Variants in CHLSN observed in about 807,000 individuals in gnomAD.
CHLSN encodes the protein cholesin.
the CHLSN span, among the ~76,000 whole-genome samples, chr7:1,115,829 T>C: frequency 1.4e-4 from 11 of 76,544 alleles, no homozygotes; most frequent in East Asian, 7.4e-4. Flanking sequence ...GCTCTAGGGA[T>C]GGCTTCCATC....
the CHLSN span, chr7:1,023,113 G>C: frequency 2.5e-6 from 1 of 398,536 alleles, no homozygotes; most frequent in Non-Finnish European, 5.1e-6. The surrounding 1 kb of genome is among the most constrained non-coding windows in gnomAD (Gnocchi z 5.0). Context: ...GGTGGCACCT[G>C]CCTGTGGCCC....
At chr7:1,009,445 GTCCACCCAGCCACGCCGCAGGCACCA>G in the CHLSN span, among the ~76,000 whole-genome samples, 92 of 152,162 alleles carry the variant, frequency 6.0e-4, no homozygotes, top group African/African-American at 2.0e-3. Context: ...ATCCTGCACC[GTCCACCCAGCCACGCCGCAGGCACCA>G]TCCACCCAGC....
At chr7:979,037 CG>C in the CHLSN span, among the ~76,000 whole-genome samples, 1 of 152,162 alleles carries the variant, frequency 6.6e-6, no homozygotes, top group Non-Finnish European at 1.5e-5. Context: ...CACAGCATGG[CG>C]GCTGGGTCCA....
At chr7:1,003,991 G>GA in the CHLSN span, among the ~76,000 whole-genome samples, 12 of 139,330 alleles carry the variant, frequency 8.6e-5, no homozygotes, top group Middle Eastern at 3.6e-3. Flanking sequence ...TCCTGTGGGT[G>GA]GGGAGTCCTG....
At chr7:1,030,715 C>T in the CHLSN span, among the ~76,000 whole-genome samples, 1 of 147,320 alleles carries the variant, frequency 6.8e-6, no homozygotes, top group African/African-American at 2.6e-5. Flanking sequence ...CGGGGACTCT[C>T]TCTCTCCCGG....
chr7:1,130,181 C>A, the CHLSN span, among the ~76,000 whole-genome samples: 1 of 152,250 alleles, frequency 6.6e-6, no homozygotes, highest in African/African-American at 2.4e-5. Flanking sequence ...TCCAGCACAG[C>A]TGTCTCCAGA....
chr7:1,069,384 T>TC, the CHLSN span, among the ~76,000 whole-genome samples: 1 of 111,130 alleles, frequency 9.0e-6, no homozygotes, highest in South Asian at 3.4e-4. Flanking sequence ...CTCTCCCCTC[T>TC]CCCCACGGTC....
the CHLSN span, among the ~76,000 whole-genome samples, chr7:1,117,646 C>A: frequency 8.2e-6 from 1 of 122,408 alleles, no homozygotes; most frequent in Non-Finnish European, 1.7e-5. Context: ...TACAGCTCTA[C>A]GGACCGGCTT....
the CHLSN span, chr7:1,092,058 C>T: frequency 4.8e-5 from 78 of 1,613,886 alleles, no homozygotes; most frequent in Non-Finnish European, 6.0e-5. Flanking sequence ...TCCTGGTGGC[C>T]GACTCCCTCA....
chr7:1,044,521 C>G, the CHLSN span: 2 of 151,710 alleles, frequency 1.3e-5, no homozygotes, highest in Admixed American at 6.6e-5. Flanking sequence ...ATGGCTGCCG[C>G]TCGCCGGCCG....
chr7:1,079,721 G>A, the CHLSN span, among the ~76,000 whole-genome samples: 2 of 152,178 alleles, frequency 1.3e-5, no homozygotes, highest in Non-Finnish European at 2.9e-5. Context: ...GGGCAGGGGT[G>A]ACTCCCAGAT....
chr7:1,016,874 G>GCA, the CHLSN span, among the ~76,000 whole-genome samples: 1 of 61,974 alleles, frequency 1.6e-5, no homozygotes, highest in African/African-American at 1.2e-4. Flanking sequence ...ACACAGCAGC[G>GCA]CACAGCAGCA....
At chr7:1,135,808 T>G in the CHLSN span, among the ~76,000 whole-genome samples, 3 of 141,264 alleles carry the variant, frequency 2.1e-5, no homozygotes, top group Non-Finnish European at 4.5e-5. Flanking sequence ...ATTTATTTAT[T>G]TATTTATATA....
the CHLSN span, among the ~76,000 whole-genome samples, chr7:1,006,562 G>C: frequency 1.3e-5 from 2 of 149,840 alleles, no homozygotes; most frequent in African/African-American, 4.9e-5. Context: ...CGCAGGGAAA[G>C]AGCGCACGAC....
chr7:1,016,696 TGCCAGCACAC>T, the CHLSN span, among the ~76,000 whole-genome samples: 5,635 of 33,332 alleles, frequency 0.17, 819 homozygotes, highest in African/African-American at 0.21. Flanking sequence ...CAGCAGCGCA[TGCCAGCACAC>T]GCCAGCGCAC....
At chr7:1,078,278 C>T in the CHLSN span, among the ~76,000 whole-genome samples, 2 of 151,998 alleles carry the variant, frequency 1.3e-5, no homozygotes, top group Non-Finnish European at 2.9e-5. Flanking sequence ...CTATAGTGGG[C>T]ACGCCTGGAG....
At chr7:1,097,854 G>T in the CHLSN span, among the ~76,000 whole-genome samples, 1 of 152,202 alleles carries the variant, frequency 6.6e-6, no homozygotes, top group African/African-American at 2.4e-5. The surrounding 1 kb of genome is among the most constrained non-coding windows in gnomAD (Gnocchi z 4.3). Context: ...CATCAGGAGG[G>T]AATGTGAGAT....
At chr7:1,116,422 C>T in the CHLSN span, among the ~76,000 whole-genome samples, 4 of 132,480 alleles carry the variant, frequency 3.0e-5, no homozygotes, top group Non-Finnish European at 6.3e-5. Context: ...TGCAGCTCTA[C>T]GGACCGGCTT....
chr7:1,095,125 G>A, the CHLSN span, among the ~76,000 whole-genome samples: 3 of 152,046 alleles, frequency 2.0e-5, no homozygotes, highest in Non-Finnish European at 2.9e-5. Flanking sequence ...TCCAGAGCCT[G>A]CCCTGCAAGT....
Sources: gnomAD v4.1 joint callset for allele counts (sites outside exome capture counted in the v4.1 genomes callset) on GRCh38, gnomAD v4.1.1 for gene constraint, Gnocchi (gnomAD v3.1) non-coding constraint, MANE v1.5 for transcripts, NCBI Gene and HGNC (gene_info 2026-07-23, HGNC 2026-07-21) for gene names.